KATNIP: variants seen among roughly 807,000 people sequenced by gnomAD.
The protein encoded by KATNIP is katanin interacting protein, also known as katanin-interacting protein.
In KATNIP, 126 loss-of-function variants were observed where a neutral mutation model predicts 174.0. The ratio of observed to expected loss-of-function variants is 0.72; its 90% CI spans 0.63 to 0.84. The LOEUF (loss-of-function observed/expected upper bound fraction) is 0.84. KATNIP is among the 40% of genes least tolerant of loss of function. The pLI, the probability that KATNIP is intolerant of heterozygous loss-of-function variation, is 0.00. For synonymous variants in KATNIP, 810 were observed against 835.7 expected (o/e 0.97, Z 0.53); for missense variants, 1,958 against 2,109.7 (o/e 0.93, Z 1.41).
At chr16:27,719,853 G>A (rs1382376048) in intron 13 of KATNIP, among the ~76,000 whole-genome samples, 2 of 151,566 alleles carry the variant, frequency 1.3e-5, no homozygotes, top group Admixed American at 1.3e-4. Context: ...AAATTTTTTT[G>A]TAGAGACAAG....
intron 3 of KATNIP, among the ~76,000 whole-genome samples, chr16:27,624,927 T>C (rs1053493125): frequency 7.2e-5 from 11 of 152,068 alleles, no homozygotes; most frequent in Non-Finnish European, 1.5e-4. Flanking sequence ...AATAAACAAA[T>C]ACACAGATAC....
intron 6 of KATNIP, among the ~76,000 whole-genome samples, chr16:27,675,889 C>G (rs1417263055): frequency 2.6e-5 from 4 of 152,170 alleles, no homozygotes; most frequent in African/African-American, 9.7e-5. Flanking sequence ...GATCCATGAG[C>G]CACATGTCTA....
At chr16:27,662,089 C>CGCAT (rs1379375288) in intron 6 of KATNIP, among the ~76,000 whole-genome samples, 1 of 76,798 alleles carries the variant, frequency 1.3e-5, no homozygotes, top group African/African-American at 5.5e-5. Context: ...TATATATATA[C>CGCAT]ACATACATAT....
At chr16:27,737,559 C>T (rs747666865) in intron 14 of KATNIP, among the ~76,000 whole-genome samples, 3 of 152,034 alleles carry the variant, frequency 2.0e-5, no homozygotes, top group Non-Finnish European at 4.4e-5. Flanking sequence ...GGGAAGAGCA[C>T]TCGGGAGGCC....
chr16:27,664,258 A>G (rs2077614822), intron 6 of KATNIP, among the ~76,000 whole-genome samples: 1 of 152,174 alleles, frequency 6.6e-6, no homozygotes. Context: ...AAGATGGTTT[A>G]ATTTCTGGGT....
At chr16:27,725,057 A>G (rs2080389825) in intron 14 of KATNIP, among the ~76,000 whole-genome samples, 1 of 152,152 alleles carries the variant, frequency 6.6e-6, no homozygotes, top group Admixed American at 6.6e-5. Context: ...AGGTGAAGTG[A>G]GGACGTGGAG....
chr16:27,751,733 G>A lies in KATNIP; in HGVS notation c.3361G>A (p.Gly1121Arg). The A allele has an allele frequency of 6.2e-7, 1 of 1,614,188 alleles. No homozygotes were observed. Among genetic ancestry groups the A allele is most frequent in the Non-Finnish European group, 8.5e-7 (1 of 1,180,022 alleles). ...TAACCCATTAGCCCCAGAGCACTTT[G>A]GAGACACGATCTTATTCACAACCGA... Reference protein sequence around the residue: ...GTLAGAPEHFGDTILFTTDDD... With the variant: ...GTLAGAPEHFRDTILFTTDDD... Residue 1121 changes from glycine to arginine, a missense_variant, in exon 17 of 28, where the codon GGA becomes AGA. Physicochemically the swap from Gly to Arg is moderately radical, Grantham distance 125 (BLOSUM62 -2). Coordinates refer to ENST00000261588, the MANE Select transcript of KATNIP (RefSeq NM_015202.5).
In KATNIP at chr16:27,741,018, CACA is replaced by C. The variant is rs1280243076; in HGVS notation, c.2623+103_2623+105del. Reference sequence around the variant, plus strand: ...TCCTGGACCTCAGTTTCCTTATCTGCACAACAAGATGGTTGTTCTCAACTAAGG... The same window carrying C: ...TCCTGGACCTCAGTTTCCTTATCTGCACAAGATGGTTGTTCTCAACTAAGG... On this transcript the variant is annotated intron_variant, in intron 15 of 27. Coordinates refer to ENST00000261588, the MANE Select transcript of KATNIP (RefSeq NM_015202.5). 8 of 1,228,736 alleles carry C rather than the reference CACA, an allele frequency of 6.5e-6. No homozygotes were observed. In the Admixed American group the frequency reaches 7.7e-5, roughly 12 times the overall value. The allele number at this position is 1,228,736 out of a possible 1,614,324, so 76.1% of individuals were successfully genotyped here.
In KATNIP at chr16:27,573,903, C is replaced by G; in HGVS notation, c.10C>G (p.Gln4Glu). The G allele has an allele frequency of 6.2e-7, 1 of 1,614,112 alleles. No individual in the cohort carries two copies. The highest frequency in any genetic ancestry group is 8.5e-7 in the Non-Finnish European group (1 of 1,180,000). The stretch of plus-strand genomic sequence containing the variant: ...GTTCTGCTTTTGAACTGCGACAGGT[C>G]AGACTCTGCGAAAGGCCGAGAGAAG... MDGQTLRKAERSWS... is the reference protein window; with the variant it reads MDGETLRKAERSWS... Residue 4 changes from glutamine to glutamate, a missense_variant and splice_region_variant, in exon 2 of 28, where the codon CAG becomes GAG. Physicochemically the swap from Gln to Glu is conservative, Grantham distance 29 (BLOSUM62 2). This residue lies in a region of KATNIP where 1,557 missense variants were observed against 1,617.8 expected (regional missense o/e 0.96). Coordinates refer to ENST00000261588, the MANE Select transcript of KATNIP (RefSeq NM_015202.5).
chr16:27,765,594 C>T (rs1339113622), intron 19 of KATNIP, among the ~76,000 whole-genome samples: 2 of 152,208 alleles, frequency 1.3e-5, no homozygotes, highest in Non-Finnish European at 2.9e-5. Context: ...GTACCTCTCT[C>T]CCCCAGCATG....
At chr16:27,724,228 G>C (rs988392372) in intron 14 of KATNIP, among the ~76,000 whole-genome samples, 5 of 152,060 alleles carry the variant, frequency 3.3e-5, no homozygotes, top group African/African-American at 1.2e-4. Context: ...TTCTGGGGTC[G>C]GGTCCTCTCA....
intron 6 of KATNIP, among the ~76,000 whole-genome samples, chr16:27,668,297 G>A (rs1035702453): frequency 1.3e-5 from 2 of 152,198 alleles, no homozygotes; most frequent in East Asian, 1.9e-4. Flanking sequence ...TGTGGTGGGT[G>A]GATCCAGGTG....
At chr16:27,661,963 C>CAT (rs56379426) in intron 6 of KATNIP, among the ~76,000 whole-genome samples, 15 of 6,752 alleles carry the variant, frequency 2.2e-3, no homozygotes, top group Admixed American at 4.5e-3. Context: ...TATACACATA[C>CAT]ATATATATAT....
In KATNIP at chr16:27,740,385, GGA is replaced by G; in HGVS notation, c.2089_2090del (p.Glu697IlefsTer13). 1 of 1,614,220 alleles carries G rather than the reference GGA, an allele frequency of 6.2e-7. No individual in the cohort carries two copies. The highest frequency in any genetic ancestry group is 8.5e-7 in the Non-Finnish European group (1 of 1,180,048). Reference sequence around the variant, plus strand: ...GGAAAGACAGTTTGTCCCAGTTAGAGGAATATTTGAGACTGTCGGCAGTCCCC... The same window carrying G: ...GGAAAGACAGTTTGTCCCAGTTAGAGATATTTGAGACTGTCGGCAGTCCCC... ...CRKDSLSQLEEYLRLSAVPTS... is the reference protein window; with the variant it reads ...CRKDSLSQLEXYLRLSAVPTS... On this transcript the variant is annotated frameshift_variant, in exon 15 of 28. Transcript: ENST00000261588. LOFTEE classifies it high-confidence loss of function.
At chr16:27,749,471 C>T (rs867448305) in intron 15 of KATNIP, 113 bp from the exon 16 acceptor site, 2 of 1,289,546 alleles carry the variant, frequency 1.6e-6, no homozygotes, top group Non-Finnish European at 2.1e-6. Flanking sequence ...AGAGGGCTCC[C>T]CTGGAGGTGG....
At chr16:27,607,583 ACAGT>A (rs755805109) in intron 2 of KATNIP, among the ~76,000 whole-genome samples, 2 of 145,136 alleles carry the variant, frequency 1.4e-5, no homozygotes, top group Non-Finnish European at 3.0e-5. Flanking sequence ...GTGACCCTAG[ACAGT>A]CAGTGTCTTT....
In KATNIP at chr16:27,773,146, A is replaced by G. The variant is rs752179872; in HGVS notation, c.4246A>G (p.Ile1416Val). ...CACCAGCTGGGGCGACCCCTACTACATCGGCCTCACCGGCCTGGAGCTGTA... is the reference window on the plus strand; with the variant it reads ...CACCAGCTGGGGCGACCCCTACTACGTCGGCCTCACCGGCCTGGAGCTGTA... Reference protein sequence around the residue: ...LLTSWGDPYYIGLTGLELYDE... With the variant: ...LLTSWGDPYYVGLTGLELYDE... The change falls in exon 23 of 28, where the codon ATC becomes GTC. Residue 1416 changes from isoleucine (I) to valine (V), a missense_variant. By Grantham distance (29) the Ile-to-Val change is conservative. Coordinates refer to ENST00000261588, the MANE Select transcript of KATNIP (RefSeq NM_015202.5). 5 of 1,612,838 alleles carry G rather than the reference A, an allele frequency of 3.1e-6. No homozygotes were observed. In the Admixed American group the frequency reaches 5.0e-5, roughly 16 times the overall value.
At chr16:27,735,339 C>T (rs1018425175) in intron 14 of KATNIP, among the ~76,000 whole-genome samples, 4 of 152,204 alleles carry the variant, frequency 2.6e-5, no homozygotes, top group African/African-American at 9.7e-5. Flanking sequence ...GTTGTGGAAG[C>T]CGGCCACCCT....
Position 27,559,866 on chromosome 16 carries a change from A to G in KATNIP, c.7+9689A>G, listed in dbSNP as rs139415731. Among the ~76,000 whole-genome samples, 1,095 of 151,682 alleles carry G rather than the reference A, an allele frequency of 7.2e-3. 16 individuals are homozygous for G. Among genetic ancestry groups the G allele is most frequent in the African/African-American group, 0.025 (1,043 of 41,304 alleles). ...CATGGTGGCACCTGCCTATAATCCC[A>G]GCTTCCTGGGAGACTGAGGTGGGAG... On this transcript the variant is annotated intron_variant, in intron 1 of 27. Transcript: ENST00000261588.
Sources: allele counts gnomAD v4.1 joint callset (sites outside exome capture counted in the v4.1 genomes callset), GRCh38; gene constraint gnomAD v4.1.1; regional missense constraint gnomAD v4.1.1; transcripts MANE v1.5; gene names NCBI Gene and HGNC (gene_info 2026-07-23, HGNC 2026-07-21).